Variants in CLMN observed in about 807,000 individuals in gnomAD.
CLMN encodes the protein calmin.
CLMN carries 57 observed loss-of-function variants against 92.7 expected under a neutral mutation model. The observed-to-expected ratio is 0.61, with a 90% CI of 0.50 to 0.77. The LOEUF (loss-of-function observed/expected upper bound fraction) is 0.77. Among genes scored for constraint, CLMN ranks in the 30% least tolerant of loss-of-function variants. The pLI is 0.00. For missense variants in CLMN, 1,158 were observed against 1,237.5 expected, an observed-to-expected ratio of 0.94 and a Z score of 0.96; for synonymous variants, 466 against 470.6, an observed-to-expected ratio of 0.99 and a Z score of 0.13.
chr14:95,304,884 A>C (rs983226423), intron 1 of CLMN, among the ~76,000 whole-genome samples: 3 of 152,038 alleles, frequency 2.0e-5, no homozygotes, highest in Non-Finnish European at 4.4e-5. Flanking sequence ...GAAAGACCTA[A>C]AGATACTGGC....
intron 1 of CLMN, among the ~76,000 whole-genome samples, chr14:95,302,705 T>G: frequency 6.6e-6 from 1 of 152,316 alleles, no homozygotes; most frequent in South Asian, 2.1e-4. Flanking sequence ...TCACTGAGTC[T>G]CCCAAACAAC....
At chr14:95,309,891 T>C (rs1901456358) in intron 1 of CLMN, among the ~76,000 whole-genome samples, 1 of 152,134 alleles carries the variant, frequency 6.6e-6, no homozygotes, top group African/African-American at 2.4e-5. Flanking sequence ...GCTTAGTGGC[T>C]GAAAACAACA....
intron 10 of CLMN, among the ~76,000 whole-genome samples, chr14:95,195,546 A>G (rs536507286): frequency 6.6e-6 from 1 of 152,330 alleles, no homozygotes; most frequent in Non-Finnish European, 1.5e-5. Flanking sequence ...GCATACCTCA[A>G]TAGTTTTCTG....
chr14:95,318,848 T>C (rs927411758), intron 1 of CLMN, among the ~76,000 whole-genome samples: 2 of 152,218 alleles, frequency 1.3e-5, no homozygotes, highest in African/African-American at 2.4e-5. Context: ...GTTGGGTGGA[T>C]AGGTTGTGGA....
Position 95,203,917 on chromosome 14 carries a change from A to G in CLMN, c.1432T>C (p.Ser478Pro), listed in dbSNP as rs990896620. ...GAGGAGGATTCTGGAATCTTCGAGG[A>G]TTCCTGTTTCTGTTCCTTTTCCTCA... The part of the protein sequence containing the change: ...VAEEKEQKQE[S>P]SKIPESSSDK... Residue 478 changes from serine (S) to proline (P), a missense_variant, in exon 9 of 13, where the codon TCC becomes CCC. Ser to Pro is a moderately conservative substitution (Grantham distance 74). Coordinates refer to ENST00000298912, the MANE Select transcript of CLMN (RefSeq NM_024734.4). 8.1e-6 allele frequency: 13 copies of G among 1,613,968 alleles called. No individual in the cohort carries two copies. The highest frequency in any genetic ancestry group is 3.3e-5 in the Admixed American group (2 of 60,002).
chr14:95,202,812 G>A, intron 9 of CLMN, 26 bp downstream of exon 9: 12 of 1,507,660 alleles, frequency 8.0e-6, no homozygotes, highest in Non-Finnish European at 1.1e-5. Context: ...CAGGACCCAG[G>A]GTTCCCAAAT....
intron 1 of CLMN, among the ~76,000 whole-genome samples, chr14:95,250,824 A>G (rs1249931373): frequency 2.0e-5 from 3 of 152,200 alleles, no homozygotes; most frequent in South Asian, 2.1e-4. Context: ...TGAATACTGT[A>G]TATTGCTTGG....
Position 95,204,479 on chromosome 14 carries a change from A to G in CLMN, c.886-16T>C. Reference sequence around the variant, plus strand: ...AAATATCTTCCTGCAAAAAAAAACAAAAACAAACAAACAAAAAAAAACAAA... The same window carrying G: ...AAATATCTTCCTGCAAAAAAAAACAGAAACAAACAAACAAAAAAAAACAAA... On this transcript the variant is annotated splice_polypyrimidine_tract_variant and intron_variant, in intron 8 of 12. Transcript: ENST00000298912. 6.5e-7 allele frequency: 1 copy of G among 1,546,048 alleles called. No homozygotes were observed. Among genetic ancestry groups the G allele is most frequent in the Admixed American group, 2.2e-5 (1 of 45,080 alleles).
chr14:95,281,603 A>T lies in CLMN; in HGVS notation c.82+38108T>A, dbSNP rs139680776. Among the ~76,000 whole-genome samples the T allele has an allele frequency of 1.2e-3, 186 of 152,316 alleles. 2 individuals carry two copies. The East Asian group carries it at 0.029, about 24-fold the overall frequency. Reference sequence around the variant, plus strand: ...GAAACAGGGATAGGTAATGTAAAAAATCTAGATTGATTTTCTAATTCTGGG... The same window carrying T: ...GAAACAGGGATAGGTAATGTAAAAATTCTAGATTGATTTTCTAATTCTGGG... On this transcript the variant is annotated intron_variant, in intron 1 of 12. Transcript: ENST00000298912.
At chr14:95,202,039 T>C (rs1300216221) in intron 9 of CLMN, among the ~76,000 whole-genome samples, 1 of 152,228 alleles carries the variant, frequency 6.6e-6, no homozygotes, top group Non-Finnish European at 1.5e-5. Context: ...GCAATAAACA[T>C]ATGTGTGCAT....
At chr14:95,199,663 G>C (rs1566860336) in intron 9 of CLMN, among the ~76,000 whole-genome samples, 1 of 152,238 alleles carries the variant, frequency 6.6e-6, no homozygotes. Flanking sequence ...AATCAGGTAA[G>C]CACTCAAGGA....
At chr14:95,298,256 A>G (rs1259721533) in intron 1 of CLMN, among the ~76,000 whole-genome samples, 1 of 151,932 alleles carries the variant, frequency 6.6e-6, no homozygotes, top group African/African-American at 2.4e-5. Flanking sequence ...GAATCACAAA[A>G]CACAAAGAAG....
intron 9 of CLMN, among the ~76,000 whole-genome samples, chr14:95,197,220 AC>A (rs1420314642): frequency 6.6e-6 from 1 of 152,002 alleles, no homozygotes; most frequent in East Asian, 1.9e-4. Flanking sequence ...CTGCACTCCA[AC>A]CTGGATGACA....
At chr14:95,234,697 G>A (rs995782950) in intron 1 of CLMN, among the ~76,000 whole-genome samples, 12 of 152,192 alleles carry the variant, frequency 7.9e-5, no homozygotes, top group Admixed American at 2.0e-4. Context: ...AGAAGGGAGG[G>A]AGGCCTGGCC....
At position 95,220,576 on chromosome 14, in the gene CLMN, C is replaced by T. The variant is rs540395491; in HGVS notation, c.324+1115G>A. Reference sequence around the variant, plus strand: ...AATTGTGCTGCCATGAACTGTAATGCGCTTGCTGGCCGCCACCATCTGAAC... The same window carrying T: ...AATTGTGCTGCCATGAACTGTAATGTGCTTGCTGGCCGCCACCATCTGAAC... On this transcript the variant is annotated intron_variant, in intron 4 of 12. Transcript: ENST00000298912. 7.2e-5 allele frequency among the ~76,000 whole-genome samples: 11 copies of T among 152,324 alleles called. No individual in the cohort carries two copies. In the East Asian group the frequency reaches 1.4e-3, roughly 19 times the overall value.
In CLMN at chr14:95,245,191, TATAATATATATATATATTA is replaced by T. The variant is rs1321123074; in HGVS notation, c.83-15077_83-15059del. Among the ~76,000 whole-genome samples, 9 of 38,168 alleles carry T rather than the reference TATAATATATATATATATTA, an allele frequency of 2.4e-4. 1 individual carries two copies. The highest frequency in any genetic ancestry group is 9.3e-4 in the African/African-American group (8 of 8,588). The allele number at this position is 38,168 out of a possible 152,430, so 25.0% of individuals were successfully genotyped here. On this transcript the variant is annotated intron_variant, in intron 1 of 12. Coordinates refer to ENST00000298912, the MANE Select transcript of CLMN (RefSeq NM_024734.4). ...TGGTTATATTATATATATATATATA[TATAATATATATATATATTA>T]TATATATATATATATTATATATATA... is the stretch of plus-strand genomic sequence containing the variant.
intron 3 of CLMN, chr14:95,222,365 A>T (rs1430287344): frequency 1.0e-5 from 3 of 297,454 alleles, no homozygotes; most frequent in African/African-American, 6.7e-5. Context: ...TGACAAGGTT[A>T]GCTCTACATA....
intron 4 of CLMN, among the ~76,000 whole-genome samples, chr14:95,217,516 T>C (rs1390344626): frequency 6.6e-6 from 1 of 152,242 alleles, no homozygotes; most frequent in East Asian, 1.9e-4. Flanking sequence ...TTGTCAATAC[T>C]GTGAATAACA....
At position 95,291,476 on chromosome 14, in the gene CLMN, C is replaced by T. The variant is rs142629726; in HGVS notation, c.82+28235G>A. Among the ~76,000 whole-genome samples the T allele has an allele frequency of 2.3e-3, 344 of 152,294 alleles. 1 individual carries two copies. The highest frequency in any genetic ancestry group is 0.012 in the South Asian group (57 of 4,830). ...ATTGGCCACAGGAGCTGTTTCTCAT[C>T]CCCAGAGCTCCAGGTTGCAGGTGCG... On this transcript the variant is annotated intron_variant, in intron 1 of 12. Transcript: ENST00000298912.
Sources: gnomAD v4.1 joint callset for allele counts (sites outside exome capture counted in the v4.1 genomes callset) on GRCh38, gnomAD v4.1.1 for gene constraint, MANE v1.5 for transcripts, NCBI Gene and HGNC (gene_info 2026-07-23, HGNC 2026-07-21) for gene names.